Variants in RARB observed in about 807,000 individuals in gnomAD.
RARB encodes the protein retinoic acid receptor beta.
RARB carries 17 observed loss-of-function variants against 51.9 expected under a neutral mutation model. That is an observed-to-expected ratio of 0.33 (90% confidence interval 0.22 to 0.49). The LOEUF (loss-of-function observed/expected upper bound fraction) is 0.49. Among genes scored for constraint, RARB ranks in the 20% least tolerant of loss-of-function variants. RARB has a pLI of 0.99. For missense variants in RARB, 369 were observed against 550.8 expected, an observed-to-expected ratio of 0.67 and a Z score of 3.30; for synonymous variants, 215 against 195.4, an observed-to-expected ratio of 1.10 and a Z score of -0.84.
At chr3:25,382,417 C>G (rs911310283) in intron 5 of RARB, among the ~76,000 whole-genome samples, 36 of 152,058 alleles carry the variant, frequency 2.4e-4, no homozygotes, top group African/African-American at 8.7e-4. Context: ...GAGAATTTCC[C>G]CTGCAGGGAC....
chr3:25,305,109 C>A (rs1228836803), intron 5 of RARB, among the ~76,000 whole-genome samples: 1 of 152,136 alleles, frequency 6.6e-6, no homozygotes, highest in Non-Finnish European at 1.5e-5. Context: ...ACCACTGCCC[C>A]CTCCTGCCTC....
intron 2 of RARB, among the ~76,000 whole-genome samples, chr3:24,928,038 A>C (rs900083264): frequency 6.6e-6 from 1 of 152,070 alleles, no homozygotes; most frequent in African/African-American, 2.4e-5. Context: ...AGGGGTTATA[A>C]ATATTTTTGA....
chr3:25,555,981 T>C (rs1480578237), intron 3 of RARB, among the ~76,000 whole-genome samples: 1 of 150,974 alleles, frequency 6.6e-6, no homozygotes. Context: ...AGGAACGTTT[T>C]GTATGTTGTT....
chr3:25,283,349 C>A (rs1703570690), intron 5 of RARB, among the ~76,000 whole-genome samples: 1 of 151,720 alleles, frequency 6.6e-6, no homozygotes. Context: ...TGGGCCTCTT[C>A]CATGGCAGGT....
At chr3:25,178,685 T>C (rs917139435) in intron 5 of RARB, among the ~76,000 whole-genome samples, 2 of 152,184 alleles carry the variant, frequency 1.3e-5, no homozygotes, top group African/African-American at 4.8e-5. Context: ...TTGCAACCTC[T>C]TTAATTTAAT....
chr3:25,511,072 A>G (rs911183875), intron 3 of RARB, among the ~76,000 whole-genome samples: 2 of 152,216 alleles, frequency 1.3e-5, no homozygotes, highest in Admixed American at 6.5e-5. Flanking sequence ...GCTTTGTTCC[A>G]ATAAAACTTT....
chr3:25,410,079 C>T (rs138263137), intron 5 of RARB, among the ~76,000 whole-genome samples: 36 of 152,308 alleles, frequency 2.4e-4, no homozygotes, highest in Non-Finnish European at 4.0e-4. Flanking sequence ...ATAATCCGTT[C>T]ATCATTCCCT....
chr3:25,111,525 C>T (rs1308280495), intron 3 of RARB, among the ~76,000 whole-genome samples: 1 of 150,194 alleles, frequency 6.7e-6, no homozygotes. Context: ...ACTGACAGCT[C>T]TATAATATAT....
chr3:25,326,133 C>T (rs1704710256), intron 5 of RARB, among the ~76,000 whole-genome samples: 1 of 152,286 alleles, frequency 6.6e-6, no homozygotes, highest in East Asian at 1.9e-4. Context: ...GTCCCCTCTA[C>T]CCCAGAAGTG....
upstream of RARB, among the ~76,000 whole-genome samples, chr3:25,425,187 G>A (rs1707956768): frequency 6.6e-6 from 1 of 152,124 alleles, no homozygotes; most frequent in Admixed American, 6.5e-5. Context: ...TGTTTAAAAT[G>A]GGTGTCAGTA....
intron 3 of RARB, among the ~76,000 whole-genome samples, chr3:25,127,342 C>G (rs903501971): frequency 1.3e-5 from 2 of 152,150 alleles, no homozygotes; most frequent in Admixed American, 1.3e-4. Flanking sequence ...TTGAACTCAG[C>G]AGGCCACGCT....
intron 2 of RARB, among the ~76,000 whole-genome samples, chr3:24,960,847 G>A (rs923242628): frequency 7.2e-5 from 11 of 151,858 alleles, no homozygotes; most frequent in African/African-American, 2.7e-4. Flanking sequence ...ATGATTTCTG[G>A]CAGAGTATCT....
chr3:25,337,106 A>T (rs1705085913), intron 5 of RARB, among the ~76,000 whole-genome samples: 1 of 152,170 alleles, frequency 6.6e-6, no homozygotes, highest in Admixed American at 6.6e-5. Flanking sequence ...AAAGTGAGAG[A>T]TTTGAGGCCA....
chr3:25,596,221 ATCTT>A (rs1575553088), intron 7 of RARB, among the ~76,000 whole-genome samples, 195 bp from the exon 8 acceptor site: 1 of 152,188 alleles, frequency 6.6e-6, no homozygotes, highest in South Asian at 2.1e-4. Context: ...AAATACATTT[ATCTT>A]TCTTTGTATT....
At chr3:25,182,645 T>A (rs1400010056) in intron 5 of RARB, among the ~76,000 whole-genome samples, 1 of 152,184 alleles carries the variant, frequency 6.6e-6, no homozygotes, top group Non-Finnish European at 1.5e-5. Context: ...TCCATGAGAA[T>A]GATGGGTTTT....
At chr3:25,251,262 A>T (rs1171318862) in intron 5 of RARB, among the ~76,000 whole-genome samples, 2 of 152,036 alleles carry the variant, frequency 1.3e-5, no homozygotes, top group Non-Finnish European at 2.9e-5. Context: ...ATATGTATCC[A>T]TTCTTTACAA....
intron 3 of RARB, among the ~76,000 whole-genome samples, chr3:25,562,047 G>T (rs1163873912): frequency 6.6e-6 from 1 of 151,914 alleles, no homozygotes; most frequent in Non-Finnish European, 1.5e-5. Context: ...AGATATATGG[G>T]ACCCCTATTT....
At chr3:25,352,977 T>G (rs1323002476) in intron 5 of RARB, among the ~76,000 whole-genome samples, 1 of 152,212 alleles carries the variant, frequency 6.6e-6, no homozygotes, top group Admixed American at 6.6e-5. Flanking sequence ...TATGAAGTCA[T>G]TGAAAAGCCA....
At chr3:25,375,137 G>GA (rs1204136648) in intron 5 of RARB, among the ~76,000 whole-genome samples, 3 of 152,010 alleles carry the variant, frequency 2.0e-5, no homozygotes, top group East Asian at 3.9e-4. Context: ...ATCTGCCAGG[G>GA]AAAAAAATAA....
Sources: gnomAD v4.1 joint callset for allele counts (sites outside exome capture counted in the v4.1 genomes callset) on GRCh38, gnomAD v4.1.1 for gene constraint, MANE v1.5 for transcripts, NCBI Gene and HGNC (gene_info 2026-07-23, HGNC 2026-07-21) for gene names.